PLXDC1: variants seen among roughly 807,000 people sequenced by gnomAD.
PLXDC1 encodes plexin domain containing 1, also known as plexin domain-containing protein 1.
Under a neutral mutation model 61.3 loss-of-function variants are expected in PLXDC1, and 39 were observed. That is an observed-to-expected ratio of 0.64 (90% CI 0.49 to 0.83). PLXDC1 has a LOEUF of 0.83. PLXDC1 is among the 40% of genes least tolerant of loss of function. The pLI is 0.00. For synonymous variants in PLXDC1, 212 were observed against 254.5 expected, an observed-to-expected ratio of 0.83 and a Z score of 1.59; for missense variants, 596 against 666.5, an observed-to-expected ratio of 0.89 and a Z score of 1.17.
chr17:39,073,283 T>A (rs1217442266), intron 11 of PLXDC1: 1 of 152,232 alleles, frequency 6.6e-6, no homozygotes, highest in African/African-American at 2.4e-5. Context: ...TACCTCAGCC[T>A]CTCAGAGCAC....
At chr17:39,106,807 G>A (rs1194004980) in intron 6 of PLXDC1, among the ~76,000 whole-genome samples, 2 of 151,768 alleles carry the variant, frequency 1.3e-5, no homozygotes, top group Non-Finnish European at 2.9e-5. Flanking sequence ...CTGCCACCAC[G>A]TCCGGCTAAA....
In PLXDC1 at chr17:39,141,198, CT is replaced by C. The variant is rs1239105663; in HGVS notation, c.77-1367del. On this transcript the variant is annotated intron_variant, in intron 1 of 13. Transcript: ENST00000315392. ...GCATGCGCCACCATGCCCAGCTAATCTTTTTACTTTTTATAGAGACAGGGTC... is the reference window on the plus strand; with the variant it reads ...GCATGCGCCACCATGCCCAGCTAATCTTTTACTTTTTATAGAGACAGGGTC... Among the ~76,000 whole-genome samples the C allele has an allele frequency of 2.0e-5, 3 of 152,134 alleles. No individual in the cohort carries two copies. In the East Asian group the frequency reaches 5.8e-4, roughly 29 times the overall value.
At chr17:39,101,566 C>T (rs1034939520) in intron 7 of PLXDC1, among the ~76,000 whole-genome samples, 1 of 152,122 alleles carries the variant, frequency 6.6e-6, no homozygotes, top group African/African-American at 2.4e-5. Flanking sequence ...CACCAGCCAA[C>T]GGGCCCATGG....
chr17:39,131,264 G>C (rs1199346525), intron 2 of PLXDC1, among the ~76,000 whole-genome samples: 1 of 152,104 alleles, frequency 6.6e-6, no homozygotes, highest in Non-Finnish European at 1.5e-5. Flanking sequence ...GGACTGCCGG[G>C]CTCCTCCACA....
intron 9 of PLXDC1, 40 bp downstream of exon 9, chr17:39,083,419 G>A (rs775164284): frequency 7.6e-5 from 118 of 1,547,418 alleles, no homozygotes; most frequent in Middle Eastern, 1.7e-4. Context: ...CCCCTCCACA[G>A]TCGGCCAGTG....
chr17:39,142,398 A>G (rs1911962897), intron 1 of PLXDC1, among the ~76,000 whole-genome samples: 1 of 152,258 alleles, frequency 6.6e-6, no homozygotes. Context: ...AATGTCTGCC[A>G]TGGGCACAGG....
At chr17:39,103,485 A>G (rs541936444) in intron 7 of PLXDC1, among the ~76,000 whole-genome samples, 4 of 152,150 alleles carry the variant, frequency 2.6e-5, no homozygotes, top group South Asian at 4.1e-4. Context: ...TGAGGCCGCA[A>G]TGAACTATGA....
intron 6 of PLXDC1, 49 bp from the exon 7 acceptor site, chr17:39,106,002 C>A: frequency 1.6e-6 from 2 of 1,254,004 alleles, no homozygotes; most frequent in South Asian, 1.3e-5. Context: ...GCTCTGGGGC[C>A]CACCCAGCCC....
chr17:39,112,457 CT>C (rs11448360), intron 2 of PLXDC1, among the ~76,000 whole-genome samples: 72 of 121,086 alleles, frequency 5.9e-4, no homozygotes, highest in African/African-American at 7.9e-4. Flanking sequence ...TTTTTTCTTT[CT>C]TTTTTTTTTT....
At chr17:39,117,712 A>G (rs1219141367) in intron 2 of PLXDC1, among the ~76,000 whole-genome samples, 1 of 152,216 alleles carries the variant, frequency 6.6e-6, no homozygotes, top group African/African-American at 2.4e-5. Flanking sequence ...ACTGCATTCC[A>G]GCCTGGGCAA....
intron 7 of PLXDC1, among the ~76,000 whole-genome samples, chr17:39,087,937 G>A: frequency 6.6e-6 from 1 of 152,330 alleles, no homozygotes; most frequent in East Asian, 1.9e-4. Flanking sequence ...GCTCTTGGGG[G>A]CAGGACAAAT....
At position 39,078,017 on chromosome 17, in the gene PLXDC1, T is replaced by A; in HGVS notation, c.1082A>T (p.Asp361Val). 1.9e-6 allele frequency: 3 copies of A among 1,611,910 alleles called. No homozygotes were observed. Among genetic ancestry groups the A allele is most frequent in the Non-Finnish European group, 2.5e-6 (3 of 1,178,834 alleles). The change falls in exon 11 of 14, where the codon GAT becomes GTT. Residue 361 changes from aspartate to valine, a missense_variant. Transcript: ENST00000315392. ...AEGRMCEDFQDEDHDSASPDT... is the reference protein window; with the variant it reads ...AEGRMCEDFQVEDHDSASPDT... The stretch of plus-strand genomic sequence containing the variant: ...AGGGGAGGCTGAGTCGTGGTCCTCA[T>A]CCTGGAAGTCCTCGCACATCCTGCC...
intron 8 of PLXDC1, among the ~76,000 whole-genome samples, chr17:39,085,092 T>C (rs535086174): frequency 2.6e-5 from 4 of 152,368 alleles, no homozygotes; most frequent in South Asian, 2.1e-4. Flanking sequence ...ACATTGCATG[T>C]GTTTCTTCCT....
intron 2 of PLXDC1, among the ~76,000 whole-genome samples, chr17:39,125,803 T>C (rs997312440): frequency 3.9e-5 from 6 of 152,180 alleles, no homozygotes; most frequent in Admixed American, 6.5e-5. Flanking sequence ...AAACTCACAA[T>C]TTTCTTCACT....
intron 2 of PLXDC1, among the ~76,000 whole-genome samples, chr17:39,126,103 A>T: frequency 6.6e-6 from 1 of 152,050 alleles, no homozygotes; most frequent in South Asian, 2.1e-4. Context: ...AAACTATAAA[A>T]ATTAGCCGGA....
chr17:39,130,007 C>T (rs1347943969), intron 2 of PLXDC1, among the ~76,000 whole-genome samples: 1 of 152,166 alleles, frequency 6.6e-6, no homozygotes, highest in East Asian at 1.9e-4. Flanking sequence ...AGACATAAAA[C>T]ATCACATATT....
chr17:39,085,276 T>C (rs1035339236), intron 8 of PLXDC1, among the ~76,000 whole-genome samples: 1 of 152,112 alleles, frequency 6.6e-6, no homozygotes, highest in African/African-American at 2.4e-5. Context: ...ACTGTGTCCT[T>C]TTGTCTGCCG....
intron 2 of PLXDC1, among the ~76,000 whole-genome samples, chr17:39,122,051 C>T (rs1489123665): frequency 2.9e-5 from 4 of 140,078 alleles, no homozygotes; most frequent in Non-Finnish European, 4.5e-5. Flanking sequence ...GAGCTGAGAT[C>T]ACGCCACTGC....
intron 2 of PLXDC1, chr17:39,126,769 TACCCG>T (rs1911322408): frequency 6.6e-6 from 1 of 152,118 alleles, no homozygotes; most frequent in South Asian, 2.1e-4. Flanking sequence ...GAAACCAGAG[TACCCG>T]GAGACGTGAA....
Sources: gnomAD v4.1 joint callset for allele counts (sites outside exome capture counted in the v4.1 genomes callset) on GRCh38, gnomAD v4.1.1 for gene constraint, MANE v1.5 for transcripts, NCBI Gene and HGNC (gene_info 2026-07-23, HGNC 2026-07-21) for gene names.